The following CSMD1 variants were observed in gnomAD, a reference collection of about 807,000 sequenced individuals.
The protein encoded by CSMD1 is CUB and Sushi multiple domains 1, also known as CUB and sushi domain-containing protein 1.
CSMD1 carries 213 observed loss-of-function variants against 417.5 expected under a neutral mutation model. The ratio of observed to expected loss-of-function variants is 0.51; its 90% confidence interval spans 0.46 to 0.57. The LOEUF (loss-of-function observed/expected upper bound fraction) is 0.57, where lower values mean the gene tolerates loss of function less well. Ranked by LOEUF, CSMD1 falls within the 20% of genes least tolerant of loss-of-function variation. CSMD1 has a pLI of 0.00. For synonymous variants in CSMD1, 2,862 were observed against 1,736.8 expected, an observed-to-expected ratio of 1.65 and a Z score of -16.11; for missense variants, 6,923 against 4,529.7, an observed-to-expected ratio of 1.53 and a Z score of -15.17.
At chr8:3,855,637 G>A (rs1329556302) in intron 5 of CSMD1, among the ~76,000 whole-genome samples, 1 of 152,102 alleles carries the variant, frequency 6.6e-6, no homozygotes, top group East Asian at 1.9e-4. Context: ...TTTACTGCTT[G>A]AAACATGAAT....
At chr8:2,958,916 T>C (rs992415195) in intron 62 of CSMD1, among the ~76,000 whole-genome samples, 53 of 152,196 alleles carry the variant, frequency 3.5e-4, no homozygotes, top group African/African-American at 1.2e-3. Context: ...AAGGAAATAG[T>C]TGGTACACTG....
intron 3 of CSMD1, among the ~76,000 whole-genome samples, chr8:4,182,007 C>T (rs1223125554): frequency 1.4e-5 from 2 of 147,728 alleles, no homozygotes; most frequent in East Asian, 2.0e-4. Context: ...TTTAAGTACA[C>T]AGAAACTCAT....
intron 1 of CSMD1, among the ~76,000 whole-genome samples, chr8:4,668,723 T>C (rs1386905369): frequency 2.6e-5 from 4 of 152,080 alleles, no homozygotes; most frequent in Non-Finnish European, 5.9e-5. Flanking sequence ...AATAAAACAT[T>C]ACCAGTTTGC....
intron 5 of CSMD1, among the ~76,000 whole-genome samples, chr8:3,898,265 G>A (rs755614565): frequency 6.6e-6 from 1 of 152,104 alleles, no homozygotes; most frequent in African/African-American, 2.4e-5. Context: ...ACTGCAAGAA[G>A]CATGAATACA....
intron 7 of CSMD1, among the ~76,000 whole-genome samples, chr8:3,687,525 C>G (rs143123216): frequency 6.1e-4 from 93 of 152,330 alleles, no homozygotes; most frequent in African/African-American, 2.0e-3. Context: ...ATTTTCTCTA[C>G]TTTTCTTCCA....
intron 5 of CSMD1, among the ~76,000 whole-genome samples, chr8:3,970,338 G>C (rs995169084): frequency 1.3e-5 from 2 of 152,118 alleles, no homozygotes; most frequent in Admixed American, 6.5e-5. Context: ...TCCTATACCA[G>C]CATAAGATCG....
At chr8:4,932,686 A>T (rs985764051) in intron 1 of CSMD1, among the ~76,000 whole-genome samples, 1 of 152,232 alleles carries the variant, frequency 6.6e-6, no homozygotes, top group African/African-American at 2.4e-5. Flanking sequence ...ATGACACAGT[A>T]AATGCCAGCA....
At chr8:3,131,847 G>GA (rs1012519730) in intron 41 of CSMD1, among the ~76,000 whole-genome samples, 17 of 152,076 alleles carry the variant, frequency 1.1e-4, no homozygotes, top group Non-Finnish European at 2.5e-4. Flanking sequence ...AGCTTAAGGG[G>GA]AAAAATACAT....
chr8:3,773,380 A>G (rs2720768), intron 5 of CSMD1, among the ~76,000 whole-genome samples: 46,622 of 152,010 alleles, frequency 0.31, 8,665 homozygotes, highest in African/African-American at 0.53. Context: ...ACTACAGTGA[A>G]GGCTCAAGTG....
intron 2 of CSMD1, among the ~76,000 whole-genome samples, chr8:4,582,941 G>A (rs955184443): frequency 6.6e-6 from 1 of 152,214 alleles, no homozygotes; most frequent in Non-Finnish European, 1.5e-5. Flanking sequence ...CGGCCCTGCC[G>A]GCCCTGAGCA....
rs189233968 is a variant in CSMD1 at position 3,397,127 on chromosome 8, G to A, written c.2406-746C>T. Among the ~76,000 whole-genome samples, 25 of 152,142 alleles carry A rather than the reference G, an allele frequency of 1.6e-4. No individual in the cohort carries two copies. In the East Asian group the frequency reaches 2.5e-3, roughly 15 times the overall value. On this transcript the variant is annotated intron_variant, in intron 16 of 69. Coordinates refer to ENST00000635120, the MANE Select transcript of CSMD1 (RefSeq NM_033225.6). ...GCAATGTAGGTACCACTCCAGGCAC[G>A]GAGATAATTTTCTAAGTGGGCCTAT...
At chr8:3,688,542 C>T (rs1267914854) in intron 7 of CSMD1, among the ~76,000 whole-genome samples, 2 of 152,152 alleles carry the variant, frequency 1.3e-5, no homozygotes, top group African/African-American at 2.4e-5. Flanking sequence ...CAAAACTTAA[C>T]TACAATGCAT....
rs1445301918 is a variant in CSMD1, at chr8:3,355,720, C to T, written c.3304+3432G>A. ...TCAGGTTCTTGTTGATGAGGTTGAA[C>T]CCTTGATCAAACCTCACCTGAAGAT... On this transcript the variant is annotated intron_variant, in intron 21 of 69. Coordinates refer to ENST00000635120, the MANE Select transcript of CSMD1 (RefSeq NM_033225.6). Among the ~76,000 whole-genome samples, 7 of 152,266 alleles carry T rather than the reference C, an allele frequency of 4.6e-5. 1 individual carries two copies. The East Asian group carries it at 1.2e-3, about 25-fold the overall frequency.
intron 2 of CSMD1, among the ~76,000 whole-genome samples, chr8:4,491,966 C>T (rs1272961972): frequency 1.3e-5 from 2 of 148,208 alleles, no homozygotes; most frequent in African/African-American, 5.0e-5. Flanking sequence ...TGGAAGTAAC[C>T]AAGACATTCA....
chr8:4,320,371 A>G (rs1326128526), intron 3 of CSMD1, among the ~76,000 whole-genome samples: 3 of 152,080 alleles, frequency 2.0e-5, no homozygotes, highest in African/African-American at 4.8e-5. Flanking sequence ...TTTTATTATT[A>G]TTATACTTTA....
intron 60 of CSMD1, 52 bp downstream of exon 60, chr8:2,963,170 G>A (rs529165262): frequency 5.2e-5 from 83 of 1,587,100 alleles, no homozygotes; most frequent in Non-Finnish European, 6.8e-5. Context: ...CTGGTTATCC[G>A]TCCCTGTTGC....
intron 1 of CSMD1, among the ~76,000 whole-genome samples, chr8:4,717,664 G>C (rs17071107): frequency 0.037 from 5,657 of 151,944 alleles, 111 homozygotes; most frequent in East Asian, 0.081. Flanking sequence ...GAGTGGGAAG[G>C]AATTTACAGA....
chr8:4,838,182 G>T (rs1253949986), intron 1 of CSMD1, among the ~76,000 whole-genome samples: 1 of 152,174 alleles, frequency 6.6e-6, no homozygotes, highest in Non-Finnish European at 1.5e-5. Flanking sequence ...TAGCTTGTGT[G>T]CAGTGTTCTC....
At chr8:4,373,212 G>C (rs556402162) in intron 3 of CSMD1, among the ~76,000 whole-genome samples, 5 of 152,190 alleles carry the variant, frequency 3.3e-5, no homozygotes, top group Non-Finnish European at 7.4e-5. Flanking sequence ...TCACAAACAA[G>C]AGGAGTCTGA....
Sources: allele counts gnomAD v4.1 joint callset (sites outside exome capture counted in the v4.1 genomes callset), GRCh38; gene constraint gnomAD v4.1.1; transcripts MANE v1.5; gene names NCBI Gene and HGNC (gene_info 2026-07-23, HGNC 2026-07-21).